The following CCDC81 variants were observed in gnomAD, a reference collection of about 807,000 sequenced individuals.
CCDC81 encodes the protein coiled-coil domain containing 81, also known as coiled-coil domain-containing protein 81.
Under a neutral mutation model 83.7 loss-of-function variants are expected in CCDC81, and 79 were observed. The observed-to-expected ratio is 0.94, with a 90% confidence interval of 0.79 to 1.14. The LOEUF is 1.14. CCDC81 is among the 50% of genes most tolerant of loss of function. The pLI is 0.00. For synonymous variants in CCDC81, 252 were observed against 278.1 expected, an observed-to-expected ratio of 0.91 and a Z score of 0.93; for missense variants, 791 against 778.1, an observed-to-expected ratio of 1.02 and a Z score of -0.20.
At chr11:86,411,044 A>G (rs2138534214) in intron 10 of CCDC81, among the ~76,000 whole-genome samples, 1 of 152,294 alleles carries the variant, frequency 6.6e-6, no homozygotes, top group South Asian at 2.1e-4. Flanking sequence ...AGCCAAAGTG[A>G]TATTATAATA....
At chr11:86,380,042 CTTT>C (rs34548401) in intron 1 of CCDC81, among the ~76,000 whole-genome samples, 21 of 144,642 alleles carry the variant, frequency 1.5e-4, no homozygotes, top group Admixed American at 1.4e-4. Flanking sequence ...ATGGTCTTCC[CTTT>C]TTTTTTTTTT....
At chr11:86,414,955 A>G (rs1170332405) in intron 12 of CCDC81, 88 bp downstream of exon 12, 1 of 1,396,790 alleles carries the variant, frequency 7.2e-7, no homozygotes, top group African/African-American at 1.5e-5. Flanking sequence ...GAATATTTTT[A>G]TGTGTTATGC....
chr11:86,402,569 A>T (rs1948508077), intron 7 of CCDC81, among the ~76,000 whole-genome samples: 1 of 152,212 alleles, frequency 6.6e-6, no homozygotes, highest in Non-Finnish European at 1.5e-5. Context: ...TGAAAATATA[A>T]TTAAACATAA....
intron 7 of CCDC81, among the ~76,000 whole-genome samples, chr11:86,406,281 G>A (rs1208744716): frequency 6.6e-6 from 1 of 152,138 alleles, no homozygotes; most frequent in African/African-American, 2.4e-5. Context: ...TTGTCCTGAT[G>A]CAACGTCCGA....
intron 11 of CCDC81, among the ~76,000 whole-genome samples, chr11:86,413,390 G>T (rs1948672660): frequency 6.6e-6 from 1 of 152,134 alleles, no homozygotes; most frequent in Non-Finnish European, 1.5e-5. Context: ...AAAAATGCCT[G>T]TCCTCATCTA....
At position 86,399,595 on chromosome 11, in the gene CCDC81, C is replaced by T. The variant is rs141217949; in HGVS notation, c.758-1083C>T. Among the ~76,000 whole-genome samples the T allele has an allele frequency of 3.4e-3, 519 of 151,914 alleles. 12 individuals are homozygous for T. The East Asian group carries it at 0.055, about 16-fold the overall frequency. On this transcript the variant is annotated intron_variant, in intron 6 of 14. Transcript: ENST00000445632. The stretch of plus-strand genomic sequence containing the variant: ...CCTCCCAAAGTGTTGGGATTACAGG[C>T]GTGAGCCACTATGCTTGGCCTATTC...
At chr11:86,382,484 G>A (rs1339787479) in intron 1 of CCDC81, among the ~76,000 whole-genome samples, 1 of 152,154 alleles carries the variant, frequency 6.6e-6, no homozygotes, top group Non-Finnish European at 1.5e-5. Context: ...CACTGAGACC[G>A]AAATCCTGGA....
At chr11:86,406,894 A>C (rs1473999160) in intron 7 of CCDC81, among the ~76,000 whole-genome samples, 1 of 152,188 alleles carries the variant, frequency 6.6e-6, no homozygotes, top group African/African-American at 2.4e-5. Context: ...CCTATTTTCT[A>C]ATGAATTAAT....
At position 86,392,748 on chromosome 11, in the gene CCDC81, TC is replaced by T; in HGVS notation, c.508del (p.Leu170PhefsTer14). 6.4e-7 allele frequency: 1 copy of T among 1,551,668 alleles called. No individual in the cohort carries two copies. The highest frequency in any genetic ancestry group is 8.7e-7 in the Non-Finnish European group (1 of 1,146,956). On this transcript the variant is annotated frameshift_variant, in exon 4 of 15. Transcript: ENST00000445632. LOFTEE classifies it high-confidence loss of function. ...GTGAAGATGAGGTTTTATAAAGACT[TC>T]CTTTGTACCATGGATGGAAGTGGGG... ...SKVKMRFYKD[F>X]LCTMDGSGAL...
intron 1 of CCDC81, among the ~76,000 whole-genome samples, chr11:86,378,894 G>C (rs930234128): frequency 6.6e-6 from 1 of 151,770 alleles, no homozygotes; most frequent in African/African-American, 2.4e-5. Context: ...GATATAGTGG[G>C]GTTTTGTTTT....
chr11:86,386,972 T>G (rs971952126), intron 2 of CCDC81, among the ~76,000 whole-genome samples: 1 of 152,164 alleles, frequency 6.6e-6, no homozygotes, highest in Non-Finnish European at 1.5e-5. Context: ...CATTTGAGTT[T>G]GTAGTTCTTG....
intron 1 of CCDC81, among the ~76,000 whole-genome samples, chr11:86,375,593 C>T (rs921798494): frequency 3.3e-5 from 5 of 152,106 alleles, no homozygotes; most frequent in Admixed American, 2.0e-4. Flanking sequence ...GATGCAGGGA[C>T]CCTAAATGGC....
At chr11:86,406,602 C>A (rs1427327806) in intron 7 of CCDC81, among the ~76,000 whole-genome samples, 3 of 152,012 alleles carry the variant, frequency 2.0e-5, no homozygotes, top group African/African-American at 7.2e-5. Flanking sequence ...GTCAGGAGTC[C>A]GAGACCAGCC....
At chr11:86,410,041 C>A (rs1437666750) in intron 10 of CCDC81, among the ~76,000 whole-genome samples, 1 of 152,208 alleles carries the variant, frequency 6.6e-6, no homozygotes, top group East Asian at 1.9e-4. Flanking sequence ...GGCCTCACCC[C>A]AGACTCCCTG....
chr11:86,379,998 A>G (rs1948155310), intron 1 of CCDC81, among the ~76,000 whole-genome samples: 1 of 151,552 alleles, frequency 6.6e-6, no homozygotes, highest in Non-Finnish European at 1.5e-5. Flanking sequence ...AGAAAAAAAA[A>G]GTTTTTATTT....
intron 5 of CCDC81, 52 bp downstream of exon 5, chr11:86,395,465 C>A: frequency 7.3e-7 from 1 of 1,368,910 alleles, no homozygotes; most frequent in South Asian, 1.2e-5. Flanking sequence ...CCTTGCTGAT[C>A]TGCTGATCTC....
At chr11:86,398,440 C>G (rs1379864472) in intron 6 of CCDC81, among the ~76,000 whole-genome samples, 1 of 152,018 alleles carries the variant, frequency 6.6e-6, no homozygotes, top group African/African-American at 2.4e-5. Flanking sequence ...TAGAAGAAAG[C>G]TGGATTCTCA....
Position 86,420,009 on chromosome 11 carries a change from T to G in CCDC81, c.1773T>G (p.Ala591=). The change falls in exon 14 of 15, where the codon GCT becomes GCG. Residue 591 remains alanine, a synonymous_variant. Coordinates refer to ENST00000445632, the MANE Select transcript of CCDC81 (RefSeq NM_001156474.2). ...TACAGGAGGACTGGGAAAGGAGTGC[T>G]GCGATGAAGAAGCAGCGAGACCTGG... ...QCLQEDWERS[A]AMKKQRDLED... 1 of 1,613,904 alleles carries G rather than the reference T, an allele frequency of 6.2e-7. No individual in the cohort carries two copies. Among genetic ancestry groups the G allele is most frequent in the Non-Finnish European group, 8.5e-7 (1 of 1,179,944 alleles).
At chr11:86,389,603 A>G (rs1202146976) in intron 3 of CCDC81, among the ~76,000 whole-genome samples, 2 of 152,184 alleles carry the variant, frequency 1.3e-5, no homozygotes, top group African/African-American at 4.8e-5. Context: ...ATGAGATCTC[A>G]TGAGAACTCA....
Sources: allele counts gnomAD v4.1 joint callset (sites outside exome capture counted in the v4.1 genomes callset), GRCh38; gene constraint gnomAD v4.1.1; transcripts MANE v1.5; gene names NCBI Gene and HGNC (gene_info 2026-07-23, HGNC 2026-07-21).